JAKMIP1: variants seen among roughly 807,000 people sequenced by gnomAD.
JAKMIP1 encodes the protein janus kinase and microtubule-interacting protein 1.
JAKMIP1 carries 33 observed loss-of-function variants against 113.0 expected under a neutral mutation model. The ratio of observed to expected loss-of-function variants is 0.29; its 90% CI spans 0.22 to 0.39. The LOEUF (loss-of-function observed/expected upper bound fraction) is 0.39. Among genes scored for constraint, JAKMIP1 ranks in the 10% least tolerant of loss-of-function variants. The pLI is 1.00. For missense variants in JAKMIP1, 813 were observed against 1,080.5 expected (o/e 0.75, Z 3.47); for synonymous variants, 480 against 459.9 (o/e 1.04, Z -0.56).
intron 16 of JAKMIP1, among the ~76,000 whole-genome samples, chr4:6,045,034 G>A (rs1427801863): frequency 1.3e-5 from 2 of 152,216 alleles, no homozygotes; most frequent in Non-Finnish European, 2.9e-5. Flanking sequence ...TGCTCTCCGC[G>A]CCCCGCCTCC....
intron 1 of JAKMIP1, among the ~76,000 whole-genome samples, chr4:6,148,279 G>C (rs895628069): frequency 1.3e-5 from 2 of 152,208 alleles, no homozygotes. Context: ...TGCATTTCCT[G>C]GTGAGATGCC....
chr4:6,078,882 C>T lies in JAKMIP1; in HGVS notation c.1302+57G>A. The T allele has an allele frequency of 1.9e-6, 3 of 1,576,976 alleles. 1 individual carries two copies. The highest frequency in any genetic ancestry group is 2.6e-6 in the Non-Finnish European group (3 of 1,146,136). ...ACCTCCCCACTCCACGACCCATCTG[C>T]CCTGCAGATCCGTGACACAGCGGCA... On this transcript the variant is annotated intron_variant, in intron 8 of 20. Transcript: ENST00000409021.
At position 6,086,190 on chromosome 4, in the gene JAKMIP1, A is replaced by G. The variant is rs952845667; in HGVS notation, c.625-561T>C. Among the ~76,000 whole-genome samples the G allele has an allele frequency of 2.6e-5, 4 of 151,984 alleles. No individual in the cohort carries two copies. Among genetic ancestry groups the G allele is most frequent in the African/African-American group, 9.7e-5 (4 of 41,380 alleles). Reference sequence around the variant, plus strand: ...CACGACCTCCTGCTCCCTCTCCCCAAGGCCACTTCCCATGGTTTCTATCTT... The same window carrying G: ...CACGACCTCCTGCTCCCTCTCCCCAGGGCCACTTCCCATGGTTTCTATCTT... On this transcript the variant is annotated intron_variant, in intron 3 of 20. Transcript: ENST00000409021. This position sits in a 1 kb window ranked among gnomAD's most constrained non-coding sequence, Gnocchi z 4.1.
At position 6,199,543 on chromosome 4, in the gene JAKMIP1, G is replaced by A. The variant is rs938960474; in HGVS notation, c.-148+710C>T. Among the ~76,000 whole-genome samples, 12 of 152,224 alleles carry A rather than the reference G, an allele frequency of 7.9e-5. No individual in the cohort carries two copies. The highest frequency in any genetic ancestry group is 2.9e-4 in the African/African-American group (12 of 41,572). Reference sequence around the variant, plus strand: ...AGTCAATCCTTGCGCGCCATCTCCGGAGGCCAGTGCGCCCAGGGCGCGCCG... The same window carrying A: ...AGTCAATCCTTGCGCGCCATCTCCGAAGGCCAGTGCGCCCAGGGCGCGCCG... On this transcript the variant is annotated intron_variant, in intron 1 of 20. Transcript: ENST00000409021. This position sits in a 1 kb window ranked among gnomAD's most constrained non-coding sequence, Gnocchi z 5.6.
chr4:6,053,698 C>T, intron 13 of JAKMIP1: 1 of 877,918 alleles, frequency 1.1e-6, no homozygotes, highest in Non-Finnish European at 1.4e-6. Context: ...TACCCGGTGA[C>T]TACGCATGCA....
intron 16 of JAKMIP1, among the ~76,000 whole-genome samples, chr4:6,045,585 C>T (rs1248460865): frequency 2.6e-5 from 4 of 152,176 alleles, no homozygotes; most frequent in Admixed American, 2.0e-4. Context: ...AAGAAACTGG[C>T]TTCGAGGCTG....
chr4:6,030,292 T>C (rs1390210562), intron 19 of JAKMIP1, among the ~76,000 whole-genome samples: 2 of 151,976 alleles, frequency 1.3e-5, no homozygotes, highest in Non-Finnish European at 2.9e-5. Context: ...TGGGAGCCAC[T>C]GCACCAGCAT....
rs1553864358 is a variant in JAKMIP1, at chr4:6,182,423, A to AAAG, written c.-148+17829_-148+17830insCTT. Among the ~76,000 whole-genome samples the AAAG allele has an allele frequency of 3.8e-3, 532 of 140,216 alleles. 7 individuals are homozygous for AAAG. Among genetic ancestry groups the AAAG allele is most frequent in the African/African-American group, 0.012 (460 of 38,660 alleles). The allele number at this position is 140,216 out of a possible 152,430, so 92.0% of individuals were successfully genotyped here. ...GACCCTGTCTCAGAAAAAAAAAAAA[A>AAAG]AAAGAAAGAAAGAAAGAAAGAAAAG... On this transcript the variant is annotated intron_variant, in intron 1 of 20. Transcript: ENST00000409021.
chr4:6,053,949 C>T lies in JAKMIP1; in HGVS notation c.1806+101G>A, dbSNP rs1464710078. 17 of 1,598,652 alleles carry T rather than the reference C, an allele frequency of 1.1e-5. No individual in the cohort carries two copies. The Admixed American group carries it at 1.2e-4, about 11-fold the overall frequency. ...AAGAAACTATAACATGTCCCCTTTA[C>T]ACATGCTTGAAAACATCTGAGAGCT... On this transcript the variant is annotated intron_variant, in intron 13 of 20. Coordinates refer to ENST00000409021, the MANE Select transcript of JAKMIP1 (RefSeq NM_001099433.2).
At chr4:6,115,878 G>T (rs1344425520) in intron 1 of JAKMIP1, among the ~76,000 whole-genome samples, 1 of 152,176 alleles carries the variant, frequency 6.6e-6, no homozygotes, top group Non-Finnish European at 1.5e-5. Context: ...GGCTGCCGGT[G>T]GGGGAAAGGG....
chr4:6,147,947 G>A (rs1486053751), intron 1 of JAKMIP1, among the ~76,000 whole-genome samples: 1 of 152,210 alleles, frequency 6.6e-6, no homozygotes, highest in Non-Finnish European at 1.5e-5. Context: ...TCAGCACTGG[G>A]AACACAAAAC....
At chr4:6,070,279 C>T in intron 8 of JAKMIP1, 1 of 393,278 alleles carries the variant, frequency 2.5e-6, no homozygotes, top group Non-Finnish European at 4.5e-6. Flanking sequence ...CAATTCTCTC[C>T]CCACGCACTC....
At position 6,097,912 on chromosome 4, in the gene JAKMIP1, G is replaced by A. The variant is rs1393805876; in HGVS notation, c.624+7561C>T. ...TTCAGAGGTAGTGAAAGCTCTCTCC[G>A]TGGAACCGGAAAGAATAATTAAAAT... On this transcript the variant is annotated intron_variant, in intron 3 of 20. Coordinates refer to ENST00000409021, the MANE Select transcript of JAKMIP1 (RefSeq NM_001099433.2). This position sits in a 1 kb window ranked among gnomAD's most constrained non-coding sequence, Gnocchi z 4.3. Among the ~76,000 whole-genome samples, 5 of 152,174 alleles carry A rather than the reference G, an allele frequency of 3.3e-5. No homozygotes were observed. The highest frequency in any genetic ancestry group is 2.9e-5 in the Non-Finnish European group (2 of 68,032).
rs1043946865 is a variant in JAKMIP1, at chr4:6,137,783, C to A, written c.-147-24786G>T. 2.0e-5 allele frequency among the ~76,000 whole-genome samples: 3 copies of A among 152,252 alleles called. No individual in the cohort carries two copies. The highest frequency in any genetic ancestry group is 6.5e-5 in the Admixed American group (1 of 15,282). On this transcript the variant is annotated intron_variant, in intron 1 of 20. Coordinates refer to ENST00000409021, the MANE Select transcript of JAKMIP1 (RefSeq NM_001099433.2). The surrounding 1 kb of genome is among the most constrained non-coding windows in gnomAD (Gnocchi z 4.5). Reference sequence around the variant, plus strand: ...CAATCACACAGGCCTGACCTGAACACAAGTGAGAGCCAGGTGGGGATAGGA... The same window carrying A: ...CAATCACACAGGCCTGACCTGAACAAAAGTGAGAGCCAGGTGGGGATAGGA...
chr4:6,127,468 G>A (rs1193690152), intron 1 of JAKMIP1, among the ~76,000 whole-genome samples: 3 of 152,226 alleles, frequency 2.0e-5, no homozygotes, highest in African/African-American at 7.2e-5. Flanking sequence ...AGGGTCACAG[G>A]CTGGGCCCAG....
intron 13 of JAKMIP1, 154 bp downstream of exon 13, chr4:6,053,895 AT>A: frequency 6.6e-7 from 1 of 1,526,304 alleles, no homozygotes; most frequent in Middle Eastern, 1.9e-4. Flanking sequence ...GAACATACAG[AT>A]TTAAAAAAAA....
At chr4:6,028,326 G>C (rs1044792013) in intron 20 of JAKMIP1, among the ~76,000 whole-genome samples, 1 of 152,236 alleles carries the variant, frequency 6.6e-6, no homozygotes, top group Non-Finnish European at 1.5e-5. Flanking sequence ...GTTCCCATGA[G>C]AGCAACAAGG....
Position 6,188,990 on chromosome 4 carries a change from C to T in JAKMIP1, c.-148+11263G>A, listed in dbSNP as rs1726936868. ...GTCAAGCCCTGAGCCTGGAAGGCTC[C>T]AAGACTTGCTGAGGAAATCCAATTA... On this transcript the variant is annotated intron_variant, in intron 1 of 20. Coordinates refer to ENST00000409021, the MANE Select transcript of JAKMIP1 (RefSeq NM_001099433.2). The surrounding 1 kb of genome is among the most constrained non-coding windows in gnomAD (Gnocchi z 5.8). 1.3e-5 allele frequency among the ~76,000 whole-genome samples: 2 copies of T among 152,160 alleles called. No individual in the cohort carries two copies. The highest frequency in any genetic ancestry group is 4.8e-5 in the African/African-American group (2 of 41,434).
intron 18 of JAKMIP1, among the ~76,000 whole-genome samples, chr4:6,036,476 C>A (rs1254583440): frequency 2.6e-5 from 4 of 152,188 alleles, no homozygotes; most frequent in Non-Finnish European, 5.9e-5. Context: ...ACCCTGGAAA[C>A]AAATCTCCCC....
Sources: allele counts gnomAD v4.1 joint callset (sites outside exome capture counted in the v4.1 genomes callset), GRCh38; gene constraint gnomAD v4.1.1; non-coding constraint Gnocchi (gnomAD v3.1); transcripts MANE v1.5; gene names NCBI Gene and HGNC (gene_info 2026-07-23, HGNC 2026-07-21).